BLTP1: variants seen among roughly 807,000 people sequenced by gnomAD.
BLTP1 encodes the protein bridge-like lipid transfer protein family member 1, also known as fragile site-associated protein.
At chr4:122,169,755 C>G in the BLTP1 span, 1 of 984,594 alleles carries the variant, frequency 1.0e-6, no homozygotes, top group Non-Finnish European at 1.2e-6. Flanking sequence ...AGTTGGGTCA[C>G]AGTTCTACAG....
chr4:122,356,547 T>TA, the BLTP1 span: 1 of 1,476,456 alleles, frequency 6.8e-7, no homozygotes, highest in Non-Finnish European at 9.2e-7. Flanking sequence ...TGGATGCATT[T>TA]ACATAGACCT....
the BLTP1 span, chr4:122,200,238 T>G: frequency 2.0e-6 from 2 of 985,008 alleles, no homozygotes; most frequent in African/African-American, 3.5e-5. Context: ...TAAATAGTGC[T>G]GTGTGACAAT....
the BLTP1 span, among the ~76,000 whole-genome samples, chr4:122,192,638 T>G: frequency 6.6e-6 from 1 of 152,118 alleles, no homozygotes; most frequent in South Asian, 2.1e-4. Context: ...AGGAGCATAT[T>G]TGTTGGTTCA....
chr4:122,218,902 A>G, the BLTP1 span, among the ~76,000 whole-genome samples: 2 of 152,186 alleles, frequency 1.3e-5, no homozygotes, highest in African/African-American at 4.8e-5. Context: ...TTCCAACAGG[A>G]ATATGTGAAT....
At chr4:122,209,041 T>A in the BLTP1 span, 2 of 1,113,736 alleles carry the variant, frequency 1.8e-6, no homozygotes, top group Non-Finnish European at 2.3e-6. Flanking sequence ...AAATAAAATT[T>A]GTTAATTTTC....
At chr4:122,209,488 T>C in the BLTP1 span, 2 of 795,452 alleles carry the variant, frequency 2.5e-6, no homozygotes, top group Non-Finnish European at 4.0e-6. Flanking sequence ...CTAGTAAATA[T>C]ACAAAAATTA....
chr4:122,316,784 T>G, the BLTP1 span: 1 of 1,613,270 alleles, frequency 6.2e-7, no homozygotes, highest in Non-Finnish European at 8.5e-7. Flanking sequence ...CCGGGAGAAC[T>G]TAGAGGAAGA....
At chr4:122,264,022 A>G in the BLTP1 span, 1 of 745,130 alleles carries the variant, frequency 1.3e-6, no homozygotes, top group Non-Finnish European at 1.6e-6. Context: ...GTATGTATGT[A>G]TAAGGATAGA....
At chr4:122,355,838 A>C in the BLTP1 span, 4 of 1,610,908 alleles carry the variant, frequency 2.5e-6, no homozygotes, top group Non-Finnish European at 1.7e-6. Flanking sequence ...AACACTGAGA[A>C]TAGCACTACT....
the BLTP1 span, among the ~76,000 whole-genome samples, chr4:122,297,458 A>C: frequency 6.6e-6 from 1 of 152,168 alleles, no homozygotes; most frequent in African/African-American, 2.4e-5. Flanking sequence ...TGTTGGTGGG[A>C]GCGTAAATTA....
chr4:122,174,387 G>A, the BLTP1 span: 279 of 966,264 alleles, frequency 2.9e-4, no homozygotes, highest in Non-Finnish European at 3.3e-4. Context: ...GTGATCATAT[G>A]TATGGCACTT....
chr4:122,200,829 T>G, the BLTP1 span: 1 of 780,542 alleles, frequency 1.3e-6, no homozygotes, highest in Non-Finnish European at 1.6e-6. Context: ...AGGAGCTAGA[T>G]GTAGCCATGG....
the BLTP1 span, chr4:122,196,811 A>T: frequency 8.0e-7 from 1 of 1,255,206 alleles, no homozygotes; most frequent in South Asian, 1.7e-5. Flanking sequence ...ATAATAATAT[A>T]GTAGAAAATA....
chr4:122,175,243 A>C, the BLTP1 span: 2 of 984,888 alleles, frequency 2.0e-6, no homozygotes, highest in Non-Finnish European at 2.4e-6. Context: ...CTCACACCTC[A>C]CTTAAAACTA....
the BLTP1 span, chr4:122,152,701 C>A: frequency 1.1e-6 from 1 of 912,734 alleles, no homozygotes; most frequent in Non-Finnish European, 1.3e-6. Flanking sequence ...CTGCCTGCGG[C>A]GGCGACTCCT....
the BLTP1 span, chr4:122,316,576 T>C: frequency 1.0e-5 from 10 of 990,092 alleles, no homozygotes; most frequent in African/African-American, 1.5e-4. Flanking sequence ...AGATTCCTTA[T>C]GAAATTGAAG....
the BLTP1 span, chr4:122,334,248 T>C: frequency 7.8e-6 from 9 of 1,155,988 alleles, no homozygotes; most frequent in East Asian, 1.8e-4. Context: ...AACAGTCTTC[T>C]GACTTCCAAT....
chr4:122,162,193 A>G, the BLTP1 span, among the ~76,000 whole-genome samples: 11 of 152,246 alleles, frequency 7.2e-5, no homozygotes, highest in Admixed American at 7.2e-4. Flanking sequence ...GCAAAAACAC[A>G]TAGAAAAGGT....
At chr4:122,166,575 A>G in the BLTP1 span, among the ~76,000 whole-genome samples, 1 of 152,132 alleles carries the variant, frequency 6.6e-6, no homozygotes, top group Non-Finnish European at 1.5e-5. Flanking sequence ...TTGGTTCCAT[A>G]TGAACTTTAA....
Sources: allele counts gnomAD v4.1 joint callset (sites outside exome capture counted in the v4.1 genomes callset), GRCh38; gene constraint gnomAD v4.1.1; transcripts MANE v1.5; gene names NCBI Gene and HGNC (gene_info 2026-07-23, HGNC 2026-07-21).